The following EP400 variants were observed in gnomAD, a reference collection of about 807,000 sequenced individuals.
EP400 encodes the protein E1A-binding protein p400.
EP400 carries 105 observed loss-of-function variants against 354.1 expected under a neutral mutation model. The observed-to-expected ratio is 0.30, with a 90% CI of 0.25 to 0.35. EP400 has a LOEUF of 0.35. Among genes scored for constraint, EP400 ranks in the 10% least tolerant of loss-of-function variants. The probability of loss-of-function intolerance (pLI) is 1.00; values close to 1 mark genes in which losing one functional copy is unlikely to be tolerated. For missense variants in EP400, 3,280 were observed against 4,121.0 expected (o/e 0.80, Z 5.59); for synonymous variants, 1,646 against 1,716.9 (o/e 0.96, Z 1.02).
Position 132,029,608 on chromosome 12 carries a change from C to A in EP400, c.5382-93C>A. ...GCCCTGCTGTTTCCTGGGACTTGGA[C>A]TGTCAGAAGTCTGCCCCATCTTTCA... On this transcript the variant is annotated intron_variant, in intron 27 of 52. Transcript: ENST00000389561. The surrounding 1 kb of genome is among the most constrained non-coding windows in gnomAD (Gnocchi z 4.7). 7.3e-7 allele frequency: 1 copy of A among 1,376,670 alleles called. No homozygotes were observed. Among genetic ancestry groups the A allele is most frequent in the Non-Finnish European group, 1.0e-6 (1 of 989,190 alleles). The allele number at this position is 1,376,670 out of a possible 1,614,324, so 85.3% of individuals were successfully genotyped here. A position where few individuals can be genotyped will look rare whatever the true frequency, so the allele number is the denominator to read the frequency against.
At position 132,079,072 on chromosome 12, in the gene EP400, G is replaced by A. The variant is rs190016065; in HGVS notation, c.*1399G>A. 18 of 152,220 alleles carry A rather than the reference G, an allele frequency of 1.2e-4. No homozygotes were observed. The highest frequency in any genetic ancestry group is 2.6e-4 in the Admixed American group (4 of 15,292). The allele number at this position is 152,220 out of a possible 1,614,324, so 9.4% of individuals were successfully genotyped here. Reference sequence around the variant, plus strand: ...TTTTGTATACTAAAAATCAGTTATGGCACAATAAAGATTTTCTGTTTTTAA... The same window carrying A: ...TTTTGTATACTAAAAATCAGTTATGACACAATAAAGATTTTCTGTTTTTAA... On this transcript the variant is annotated 3_prime_UTR_variant, in exon 53 of 53. Transcript: ENST00000389561.
chr12:132,044,392 C>T, intron 35 of EP400, 81 bp downstream of exon 35: 1 of 1,520,690 alleles, frequency 6.6e-7, no homozygotes, highest in Non-Finnish European at 8.8e-7. Context: ...TGTTCAAAGT[C>T]TGTGTACATT....
chr12:132,045,955 T>C, intron 39 of EP400, 55 bp downstream of exon 39: 1 of 1,589,308 alleles, frequency 6.3e-7, no homozygotes, highest in Non-Finnish European at 8.6e-7. Flanking sequence ...GTGGTGGCCG[T>C]GGCCTGCAGT....
At chr12:132,043,241 C>G in intron 32 of EP400, 63 bp from the exon 33 acceptor site, 1 of 1,556,016 alleles carries the variant, frequency 6.4e-7, no homozygotes, top group African/African-American at 1.4e-5. Flanking sequence ...TGGGATAGCT[C>G]TTTTTCAAAC....
At chr12:132,034,038 T>G (rs1565923414) in intron 30 of EP400, among the ~76,000 whole-genome samples, 1 of 152,268 alleles carries the variant, frequency 6.6e-6, no homozygotes, top group Non-Finnish European at 1.5e-5. Context: ...TTCTGCTTCT[T>G]GAAGAAGGCT....
Position 131,986,635 on chromosome 12 carries a change from G to A in EP400, c.2051G>A (p.Arg684Gln), listed in dbSNP as rs143987757. Reference protein sequence around the residue: ...SGSGPGPSPARSSPVNRPSSA... With the variant: ...SGSGPGPSPAQSSPVNRPSSA... ...TCCGGCCCAGGACCCTCCCCTGCTC[G>A]ATCCTCTCCAGTAAATAGACCTTCC... Residue 684 changes from arginine to glutamine, a missense_variant, in exon 6 of 53, where the codon CGA (arginine) becomes CAA (glutamine). Arg to Gln is a conservative substitution (Grantham distance 43, BLOSUM62 1). This residue lies in a region of EP400 where 800 missense variants were observed against 840.0 expected (regional missense o/e 0.95). Transcript: ENST00000389561. 3.7e-5 allele frequency: 59 copies of A among 1,613,898 alleles called. No homozygotes were observed. The highest frequency in any genetic ancestry group is 4.8e-5 in the Non-Finnish European group (57 of 1,179,988).
intron 23 of EP400, among the ~76,000 whole-genome samples, chr12:132,022,967 A>AT (rs1236644026): frequency 6.6e-6 from 1 of 152,056 alleles, no homozygotes; most frequent in Non-Finnish European, 1.5e-5. Flanking sequence ...ACATTCTTAG[A>AT]TTTTGAAGAG....
rs1319997029 is a variant in EP400, at chr12:132,029,963, C to T, written c.5585-26C>T. On this transcript the variant is annotated intron_variant, in intron 28 of 52. Coordinates refer to ENST00000389561, the MANE Select transcript of EP400 (RefSeq NM_015409.5). This position sits in a 1 kb window ranked among gnomAD's most constrained non-coding sequence, Gnocchi z 4.7. ...GCTGCACCGGCCCTGGATGATGAGGCGCTCTTGATGTGATTCGTTTCCCAG... is the reference window on the plus strand; with the variant it reads ...GCTGCACCGGCCCTGGATGATGAGGTGCTCTTGATGTGATTCGTTTCCCAG... 1.2e-6 allele frequency: 2 copies of T among 1,612,794 alleles called. No individual in the cohort carries two copies. Among genetic ancestry groups the T allele is most frequent in the East Asian group, 2.2e-5 (1 of 44,880 alleles).
At chr12:132,019,362 C>T (rs1043881967) in intron 21 of EP400, among the ~76,000 whole-genome samples, 1 of 152,064 alleles carries the variant, frequency 6.6e-6, no homozygotes, top group African/African-American at 2.4e-5. Flanking sequence ...TTTTGATGGC[C>T]GTCTCTGCCT....
chr12:132,041,419 C>T (rs1342756888), intron 32 of EP400, among the ~76,000 whole-genome samples: 2 of 152,250 alleles, frequency 1.3e-5, no homozygotes, highest in African/African-American at 4.8e-5. Flanking sequence ...AGCGGTGCTG[C>T]CTCTTGCGAA....
At chr12:131,952,037 C>T (rs548937899) in intron 1 of EP400, among the ~76,000 whole-genome samples, 66 of 151,766 alleles carry the variant, frequency 4.3e-4, no homozygotes, top group Admixed American at 1.8e-3. Context: ...CTGCCCGCCT[C>T]GGCCTCCCCT....
chr12:132,059,717 A>G (rs1047573594), intron 45 of EP400, among the ~76,000 whole-genome samples: 14 of 152,208 alleles, frequency 9.2e-5, no homozygotes, highest in Non-Finnish European at 1.9e-4. Flanking sequence ...TTTAGATTTT[A>G]AAGGTTAGGC....
In EP400 at chr12:132,018,441, T is replaced by C; in HGVS notation, c.4277+65T>C. Reference sequence around the variant, plus strand: ...AGGGCCCCCACAGCTGACCCAGGTCTATGCGTGGTGAAAAGAAAGGCTGCT... The same window carrying C: ...AGGGCCCCCACAGCTGACCCAGGTCCATGCGTGGTGAAAAGAAAGGCTGCT... On this transcript the variant is annotated intron_variant, in intron 21 of 52. Coordinates refer to ENST00000389561, the MANE Select transcript of EP400 (RefSeq NM_015409.5). This position sits in a 1 kb window ranked among gnomAD's most constrained non-coding sequence, Gnocchi z 4.0. 1 of 1,535,058 alleles carries C rather than the reference T, an allele frequency of 6.5e-7. No homozygotes were observed. Among genetic ancestry groups the C allele is most frequent in the South Asian group, 1.3e-5 (1 of 77,390 alleles).
intron 12 of EP400, among the ~76,000 whole-genome samples, chr12:131,999,065 C>T (rs978424208): frequency 6.6e-6 from 1 of 151,710 alleles, no homozygotes; most frequent in African/African-American, 2.4e-5. Flanking sequence ...ACAACATTGG[C>T]TTGTTCTTGC....
At chr12:132,045,211 CTT>C in intron 37 of EP400, 106 bp from the exon 38 acceptor site, 3 of 1,516,990 alleles carry the variant, frequency 2.0e-6, no homozygotes, top group Non-Finnish European at 2.6e-6. Flanking sequence ...TCTGTGGCCT[CTT>C]TGCCCAGGCA....
rs143278313 is a variant in EP400, at chr12:132,002,838, C to T, written c.2828-2239C>T. Reference sequence around the variant, plus strand: ...GGGGATCCCATTGTCTTTATGGTGTCGAGCTGAATCCATGAGCAGAGCCTC... The same window carrying T: ...GGGGATCCCATTGTCTTTATGGTGTTGAGCTGAATCCATGAGCAGAGCCTC... On this transcript the variant is annotated intron_variant, in intron 12 of 52. Transcript: ENST00000389561. 1.0e-3 allele frequency among the ~76,000 whole-genome samples: 156 copies of T among 152,278 alleles called. 1 individual carries two copies. The highest frequency in any genetic ancestry group is 3.2e-3 in the African/African-American group (133 of 41,542).
At position 132,041,023 on chromosome 12, in the gene EP400, A is replaced by G. The variant is rs1197719374; in HGVS notation, c.6208-2281A>G. Among the ~76,000 whole-genome samples, 4 of 152,174 alleles carry G rather than the reference A, an allele frequency of 2.6e-5. No homozygotes were observed. In the East Asian group the frequency reaches 7.7e-4, roughly 29 times the overall value. On this transcript the variant is annotated intron_variant, in intron 32 of 52. Transcript: ENST00000389561. Reference sequence around the variant, plus strand: ...GGGGCAGCAGGCGGGTCTTTGGAGGACAGAGCCAGCAGGACTTGCTGCAGT... The same window carrying G: ...GGGGCAGCAGGCGGGTCTTTGGAGGGCAGAGCCAGCAGGACTTGCTGCAGT...
chr12:131,967,424 A>AT (rs1892139367), intron 2 of EP400, among the ~76,000 whole-genome samples: 1 of 151,320 alleles, frequency 6.6e-6, no homozygotes, highest in African/African-American at 2.4e-5. Context: ...ACAGTGGCTC[A>AT]TGCCTGTAAT....
At chr12:132,053,029 T>C (rs944570289) in intron 41 of EP400, 117 bp from the exon 42 acceptor site, 9 of 1,083,688 alleles carry the variant, frequency 8.3e-6, no homozygotes, top group Non-Finnish European at 1.3e-5. Context: ...CTTTACGCCC[T>C]CATCTCTTGG....
Sources: allele counts gnomAD v4.1 joint callset (sites outside exome capture counted in the v4.1 genomes callset), GRCh38; gene constraint gnomAD v4.1.1; regional missense constraint gnomAD v4.1.1; non-coding constraint Gnocchi (gnomAD v3.1); transcripts MANE v1.5; gene names NCBI Gene and HGNC (gene_info 2026-07-23, HGNC 2026-07-21).